Variants in DISC1 observed in about 807,000 individuals in gnomAD.
DISC1 encodes the protein DISC1 scaffold protein.
A neutral mutation model predicts 84.5 loss-of-function variants in DISC1; 57 were observed. The observed-to-expected ratio is 0.67, with a 90% CI of 0.55 to 0.84. The LOEUF is 0.84. DISC1 is among the 40% of genes least tolerant of loss of function. DISC1 has a pLI of 0.00. For missense variants in DISC1, 1,000 were observed against 1,057.8 expected (o/e 0.95, Z 0.76); for synonymous variants, 411 against 415.2 (o/e 0.99, Z 0.12).
At chr1:231,670,716 A>T (rs888923294) in intron 1 of DISC1, 20 of 152,170 alleles carry the variant, frequency 1.3e-4, no homozygotes, top group African/African-American at 4.8e-4. Context: ...CTGAGACTTA[A>T]ACCAATTTTT....
chr1:231,894,948 C>G (rs1267251900), intron 9 of DISC1, among the ~76,000 whole-genome samples: 1 of 151,932 alleles, frequency 6.6e-6, no homozygotes, highest in African/African-American at 2.4e-5. Flanking sequence ...CACACACACA[C>G]GGACTGAGCA....
intron 1 of DISC1, among the ~76,000 whole-genome samples, chr1:231,691,294 G>A (rs1558339470): frequency 6.6e-6 from 1 of 152,064 alleles, no homozygotes; most frequent in Non-Finnish European, 1.5e-5. Context: ...AGCTGGGCGT[G>A]GTGGCAGGCA....
At chr1:231,985,168 A>G (rs980963481) in intron 10 of DISC1, among the ~76,000 whole-genome samples, 4 of 151,754 alleles carry the variant, frequency 2.6e-5, no homozygotes, top group Non-Finnish European at 4.4e-5. Flanking sequence ...TAAAAATACA[A>G]AAAAAATATT....
chr1:231,936,318 A>C (rs1407192363), intron 9 of DISC1, among the ~76,000 whole-genome samples: 5 of 151,906 alleles, frequency 3.3e-5, no homozygotes, highest in Admixed American at 6.6e-5. Flanking sequence ...GCCAATACCT[A>C]GTTTTCCCAG....
At chr1:231,643,593 G>A (rs984004033) in intron 1 of DISC1, among the ~76,000 whole-genome samples, 2 of 152,156 alleles carry the variant, frequency 1.3e-5, no homozygotes, top group Non-Finnish European at 2.9e-5. Flanking sequence ...CACTGTAGGC[G>A]CTCAATATTA....
At chr1:231,733,103 TGATGGTGG>T (rs1558444465) in intron 3 of DISC1, among the ~76,000 whole-genome samples, 3 of 141,372 alleles carry the variant, frequency 2.1e-5, no homozygotes, top group African/African-American at 5.3e-5. Context: ...GTAGAGTTGG[TGATGGTGG>T]TAGTGGTAGG....
At position 231,848,828 on chromosome 1, in the gene DISC1, C is replaced by G. The variant is rs143144373; in HGVS notation, c.1981+30311C>G. 6.9e-3 allele frequency among the ~76,000 whole-genome samples: 1,051 copies of G among 152,258 alleles called. 5 individuals carry two copies. Among genetic ancestry groups the G allele is most frequent in the Non-Finnish European group, 0.011 (748 of 68,018 alleles). On this transcript the variant is annotated intron_variant, in intron 9 of 12. Transcript: ENST00000439617. Reference sequence around the variant, plus strand: ...CTGATGTCTTGGATCAAGTTTTGGGCAGTATCAAACTATGCCATTAGATCA... The same window carrying G: ...CTGATGTCTTGGATCAAGTTTTGGGGAGTATCAAACTATGCCATTAGATCA...
At chr1:231,914,220 G>A (rs1240002209) in intron 9 of DISC1, among the ~76,000 whole-genome samples, 1 of 152,186 alleles carries the variant, frequency 6.6e-6, no homozygotes, top group Non-Finnish European at 1.5e-5. Context: ...AAGGTGCATA[G>A]GAGATGAATG....
chr1:231,806,430 G>T (rs376893889), intron 8 of DISC1, among the ~76,000 whole-genome samples: 11 of 152,176 alleles, frequency 7.2e-5, no homozygotes, highest in Non-Finnish European at 1.5e-4. Flanking sequence ...TTGGTTTTCA[G>T]CTCCGAGTTC....
intron 3 of DISC1, among the ~76,000 whole-genome samples, chr1:231,703,023 A>C (rs1349867238): frequency 6.6e-6 from 1 of 152,208 alleles, no homozygotes; most frequent in Non-Finnish European, 1.5e-5. Context: ...CATTTAGCCC[A>C]TGTGACATTC....
At chr1:231,770,287 TA>T (rs11348449) in intron 5 of DISC1, among the ~76,000 whole-genome samples, 106,097 of 151,964 alleles carry the variant, frequency 0.7, 37,530 homozygotes, top group Middle Eastern at 0.77. Flanking sequence ...TCGTAGAAAT[TA>T]ACATTTATTT....
intron 6 of DISC1, among the ~76,000 whole-genome samples, chr1:231,785,519 C>T (rs907080345): frequency 6.6e-6 from 1 of 151,852 alleles, no homozygotes; most frequent in African/African-American, 2.4e-5. Flanking sequence ...GTCTTGAACT[C>T]CCGCGCTCAA....
chr1:231,867,544 CTTAA>C (rs748517666), intron 9 of DISC1, among the ~76,000 whole-genome samples: 58 of 152,088 alleles, frequency 3.8e-4, no homozygotes, highest in Non-Finnish European at 6.9e-4. Flanking sequence ...CATAGATGCT[CTTAA>C]TTAATTAGGC....
At chr1:231,744,567 G>GT (rs1475621027) in intron 3 of DISC1, among the ~76,000 whole-genome samples, 3 of 151,870 alleles carry the variant, frequency 2.0e-5, no homozygotes, top group African/African-American at 4.8e-5. Context: ...AGAAAGCATA[G>GT]TTTTTTTTCC....
intron 9 of DISC1, among the ~76,000 whole-genome samples, chr1:231,930,916 C>T (rs542257228): frequency 9.8e-5 from 15 of 152,304 alleles, no homozygotes; most frequent in African/African-American, 3.6e-4. Flanking sequence ...AGAAGCCAGG[C>T]TACCATTTGG....
chr1:231,814,952 T>C (rs1468677624), intron 8 of DISC1: 1 of 145,268 alleles, frequency 6.9e-6, no homozygotes, highest in Non-Finnish European at 1.5e-5. Context: ...ATAATAATAA[T>C]AATAATAATA....
At chr1:231,736,215 G>A (rs1290659685) in intron 3 of DISC1, among the ~76,000 whole-genome samples, 1 of 152,086 alleles carries the variant, frequency 6.6e-6, no homozygotes, top group Non-Finnish European at 1.5e-5. Flanking sequence ...TTTCTGCCTT[G>A]TGGATCCCCC....
At chr1:231,734,806 G>A (rs1350985188) in intron 3 of DISC1, among the ~76,000 whole-genome samples, 1 of 152,130 alleles carries the variant, frequency 6.6e-6, no homozygotes. Context: ...CCAAAGGTTT[G>A]TTTTTCCTTT....
At chr1:231,663,761 T>A (rs2061750755) in intron 1 of DISC1, among the ~76,000 whole-genome samples, 2 of 152,244 alleles carry the variant, frequency 1.3e-5, no homozygotes, top group African/African-American at 4.8e-5. Context: ...TTTAATCTAT[T>A]TGTTTGGTCT....
Sources: gnomAD v4.1 joint callset for allele counts (sites outside exome capture counted in the v4.1 genomes callset) on GRCh38, gnomAD v4.1.1 for gene constraint, MANE v1.5 for transcripts, NCBI Gene and HGNC (gene_info 2026-07-23, HGNC 2026-07-21) for gene names.